The following TMTC3 variants were observed in gnomAD, a reference collection of about 807,000 sequenced individuals.
TMTC3 encodes protein O-mannosyl-transferase TMTC3.
Under a neutral mutation model 92.2 loss-of-function variants are expected in TMTC3, and 52 were observed. The observed-to-expected ratio is 0.56, with a 90% CI of 0.45 to 0.71. The LOEUF is 0.71. Ranked by LOEUF, TMTC3 falls within the 30% of genes least tolerant of loss-of-function variation. The probability of loss-of-function intolerance (pLI) is 0.00; values close to 1 mark genes in which losing one functional copy is unlikely to be tolerated. For missense variants in TMTC3, 896 were observed against 1,057.1 expected, an observed-to-expected ratio of 0.85 and a Z score of 2.11; for synonymous variants, 339 against 363.3, an observed-to-expected ratio of 0.93 and a Z score of 0.76.
At chr12:88,183,897 A>C (rs1363873092) in intron 10 of TMTC3, among the ~76,000 whole-genome samples, 1 of 152,134 alleles carries the variant, frequency 6.6e-6, no homozygotes, top group Admixed American at 6.5e-5. Context: ...CTGTCCCATG[A>C]TGAAACCCTA....
intron 7 of TMTC3, among the ~76,000 whole-genome samples, chr12:88,170,986 CTG>C (rs1196617968): frequency 2.6e-5 from 4 of 152,058 alleles, no homozygotes; most frequent in Admixed American, 1.3e-4. Flanking sequence ...GAATGAAAGA[CTG>C]TTGATTTAAA....
Position 88,199,775 on chromosome 12 carries a change from C to G in TMTC3, c.*4126C>G, listed in dbSNP as rs2041561109. On this transcript the variant is annotated 3_prime_UTR_variant, in exon 14 of 14. Coordinates refer to ENST00000266712, the MANE Select transcript of TMTC3 (RefSeq NM_181783.4). ...ATTCATGTTCTTTCTTTGTAACTCA[C>G]TTTCTTCGTCAACATTTCTGTGACT... 1 of 152,240 alleles carries G rather than the reference C, an allele frequency of 6.6e-6. No individual in the cohort carries two copies. The highest frequency in any genetic ancestry group is 1.5e-5 in the Non-Finnish European group (1 of 68,042). The allele number at this position is 152,240 out of a possible 1,614,324, so 9.4% of individuals were successfully genotyped here.
intron 1 of TMTC3, among the ~76,000 whole-genome samples, chr12:88,144,503 C>T (rs1023731845): frequency 3.3e-5 from 5 of 152,066 alleles, no homozygotes; most frequent in Admixed American, 1.3e-4. Flanking sequence ...CCACCACCCT[C>T]TTGCTCACAT....
At chr12:88,147,266 A>C (rs190513886) in intron 1 of TMTC3, among the ~76,000 whole-genome samples, 1 of 152,150 alleles carries the variant, frequency 6.6e-6, no homozygotes, top group East Asian at 1.9e-4. Flanking sequence ...TTCTTCTATT[A>C]ATTTTAAACT....
intron 6 of TMTC3, 47 bp from the exon 7 acceptor site, chr12:88,166,283 T>C (rs369513030): frequency 6.5e-6 from 10 of 1,541,958 alleles, no homozygotes; most frequent in Non-Finnish European, 7.9e-6. Flanking sequence ...AATAATTCTG[T>C]ACTTTAAAAG....
intron 12 of TMTC3, among the ~76,000 whole-genome samples, chr12:88,190,999 G>GTTGA (rs2041436122): frequency 6.6e-6 from 1 of 151,938 alleles, no homozygotes; most frequent in South Asian, 2.1e-4. Flanking sequence ...TGTTTTTAGA[G>GTTGA]TTGATTGGTT....
intron 1 of TMTC3, among the ~76,000 whole-genome samples, chr12:88,147,301 A>G (rs1324061784): frequency 6.6e-6 from 1 of 152,110 alleles, no homozygotes; most frequent in Non-Finnish European, 1.5e-5. Flanking sequence ...ACATTTAACC[A>G]AACAACAGTT....
At chr12:88,143,334 A>G (rs749655603) in intron 1 of TMTC3, among the ~76,000 whole-genome samples, 1 of 152,244 alleles carries the variant, frequency 6.6e-6, no homozygotes, top group South Asian at 2.1e-4. Flanking sequence ...GACATTAGTT[A>G]GATTTATAGG....
chr12:88,160,131 T>C lies in TMTC3; in HGVS notation c.526T>C (p.Leu176=). 6.3e-7 allele frequency: 1 copy of C among 1,583,126 alleles called. No homozygotes were observed. ...DNSIIWTPIA[L]TVFLVAVATL... is the part of the protein sequence containing the mutation. ...AATTGCAGTATGGACTCCAATTGCC[T>C]TGACAGTGTTTTTAGTGGCTGTTGC... Residue 176 remains leucine, a synonymous_variant, in exon 5 of 14, where the codon TTG becomes CTG. Coordinates refer to ENST00000266712, the MANE Select transcript of TMTC3 (RefSeq NM_181783.4).
At chr12:88,147,434 T>C (rs1020381828) in intron 1 of TMTC3, among the ~76,000 whole-genome samples, 4 of 152,160 alleles carry the variant, frequency 2.6e-5, no homozygotes, top group Non-Finnish European at 5.9e-5. Flanking sequence ...TCCTGAGTTG[T>C]TTCATTCGGT....
chr12:88,183,927 A>G (rs1467124005), intron 10 of TMTC3, among the ~76,000 whole-genome samples: 1 of 152,068 alleles, frequency 6.6e-6, no homozygotes, highest in African/African-American at 2.4e-5. Context: ...ATTCCCTCGA[A>G]CTTGGAAATC....
In TMTC3 at chr12:88,195,017, T is replaced by G; in HGVS notation, c.2113T>G (p.Leu705Val). 1.2e-6 allele frequency: 2 copies of G among 1,613,830 alleles called. No homozygotes were observed. The highest frequency in any genetic ancestry group is 2.2e-5 in the South Asian group (2 of 91,068). Residue 705 changes from leucine (L) to valine (V), a missense_variant, in exon 14 of 14, where the codon TTG (leucine) becomes GTG (valine). By Grantham distance (32) the Leu-to-Val change is conservative. Coordinates refer to ENST00000266712, the MANE Select transcript of TMTC3 (RefSeq NM_181783.4). ...IKLQADFRSA[L>V]FNLALLYSQT... ...GTTACAAGCCGACTTCCGAAGTGCT[T>G]TGTTTAATCTGGCTCTCCTGTATTC...
In TMTC3 at chr12:88,176,243, G is replaced by A; in HGVS notation, c.1356G>A (p.Val452=). ...ATAATGCCAAACTTTGGAATAATGT[G>A]GGTCATGCTCTGGAAAATGAAAAGA... ...NKNNAKLWNN[V]GHALENEKNF... Residue 452 remains valine (V), a synonymous_variant, in exon 10 of 14, where the codon GTG becomes GTA. Coordinates refer to ENST00000266712, the MANE Select transcript of TMTC3 (RefSeq NM_181783.4). 1.2e-6 allele frequency: 2 copies of A among 1,611,612 alleles called. No individual in the cohort carries two copies. The highest frequency in any genetic ancestry group is 1.7e-6 in the Non-Finnish European group (2 of 1,178,766).
intron 12 of TMTC3, among the ~76,000 whole-genome samples, chr12:88,191,333 TATTA>T (rs1345298677): frequency 6.6e-6 from 1 of 152,168 alleles, no homozygotes; most frequent in Non-Finnish European, 1.5e-5. Flanking sequence ...ACCTGTCATG[TATTA>T]ATTCATAAAG....
intron 7 of TMTC3, among the ~76,000 whole-genome samples, chr12:88,167,641 A>T (rs943512577): frequency 6.6e-6 from 1 of 152,086 alleles, no homozygotes; most frequent in African/African-American, 2.4e-5. Flanking sequence ...GAACTTACAC[A>T]GTTCACGTTT....
chr12:88,146,238 A>G (rs189507155), intron 1 of TMTC3, among the ~76,000 whole-genome samples: 162 of 152,078 alleles, frequency 1.1e-3, no homozygotes, highest in African/African-American at 3.2e-3. Flanking sequence ...CTCTCATACT[A>G]TGCTCCCTTG....
At position 88,174,635 on chromosome 12, in the gene TMTC3, C is replaced by G; in HGVS notation, c.1228C>G (p.Leu410Val). The stretch of plus-strand genomic sequence containing the variant: ...ATTTAAAAAGCTATCCTGGATTTGT[C>G]TGTCTATGGTGATACTCACTCATTC... ...SVFKKLSWIC[L>V]SMVILTHSLK... Residue 410 changes from leucine to valine, a missense_variant, in exon 9 of 14, where the codon CTG (leucine) becomes GTG (valine). Transcript: ENST00000266712. The G allele has an allele frequency of 1.2e-6, 2 of 1,610,578 alleles. No homozygotes were observed. Among genetic ancestry groups the G allele is most frequent in the South Asian group, 2.2e-5 (2 of 90,632 alleles).
intron 6 of TMTC3, among the ~76,000 whole-genome samples, chr12:88,162,919 C>T (rs117609335): frequency 6.9e-6 from 1 of 145,560 alleles, no homozygotes; most frequent in Non-Finnish European, 1.5e-5. Context: ...TTTCTTTCTT[C>T]TTTTTTTTTT....
At chr12:88,180,323 A>G (rs920851297) in intron 10 of TMTC3, among the ~76,000 whole-genome samples, 1 of 152,126 alleles carries the variant, frequency 6.6e-6, no homozygotes, top group Non-Finnish European at 1.5e-5. Flanking sequence ...CACTGGGGGT[A>G]TGTTAATCCC....
Sources: allele counts gnomAD v4.1 joint callset (sites outside exome capture counted in the v4.1 genomes callset), GRCh38; gene constraint gnomAD v4.1.1; transcripts MANE v1.5; gene names NCBI Gene and HGNC (gene_info 2026-07-23, HGNC 2026-07-21).